AGRN: variants seen among roughly 807,000 people sequenced by gnomAD.
The protein encoded by AGRN is agrin proteoglycan.
Under a neutral mutation model 211.0 loss-of-function variants are expected in AGRN, and 106 were observed. That is an observed-to-expected ratio of 0.50 (90% CI 0.43 to 0.59). AGRN has a LOEUF of 0.59. Among genes scored for constraint, AGRN ranks in the 20% least tolerant of loss-of-function variants. AGRN has a pLI of 0.00. For synonymous variants in AGRN, 1,525 were observed against 1,332.5 expected, an observed-to-expected ratio of 1.14 and a Z score of -3.15; for missense variants, 3,040 against 2,982.6, an observed-to-expected ratio of 1.02 and a Z score of -0.45.
In AGRN at chr1:1,041,264, C is replaced by T. The variant is rs1286397842; in HGVS notation, c.819C>T (p.Pro273=). The change falls in exon 5 of 36, where the codon CCC becomes CCT. Residue 273 remains proline (P), a synonymous_variant. Coordinates refer to ENST00000379370, the MANE Select transcript of AGRN (RefSeq NM_198576.4). ...GGCTGACGGCCTCGTGCCTGTGCCC[C>T]GCGACCTGCCGTGGCGCCCCCGAGG... ...ADGLTASCLC[P]ATCRGAPEGT... The T allele has an allele frequency of 1.3e-6, 2 of 1,504,694 alleles. No homozygotes were observed. Among genetic ancestry groups the T allele is most frequent in the South Asian group, 1.2e-5 (1 of 81,518 alleles). 93.2% of individuals were successfully genotyped at this position (1,504,694 alleles called of 1,614,324 possible).
chr1:1,040,366 AAC>A (rs1222633918), intron 3 of AGRN, among the ~76,000 whole-genome samples: 14 of 152,188 alleles, frequency 9.2e-5, no homozygotes, highest in Admixed American at 8.5e-4. Context: ...CCGTCGCAGA[AAC>A]AGAGTCGGGT....
intron 30 of AGRN, 127 bp from the exon 31 acceptor site, chr1:1,051,126 T>A: frequency 6.5e-7 from 1 of 1,532,764 alleles, no homozygotes; most frequent in Non-Finnish European, 8.8e-7. Flanking sequence ...ACCCTGCCAT[T>A]TCTGTGTGAT....
At chr1:1,035,509 G>A (rs749792142) in intron 3 of AGRN, among the ~76,000 whole-genome samples, 185 bp downstream of exon 3, 1 of 152,248 alleles carries the variant, frequency 6.6e-6, no homozygotes, top group Non-Finnish European at 1.5e-5. Context: ...GGGGTCTAGA[G>A]GCCGCCGCCT....
intron 11 of AGRN, 21 bp from the exon 12 acceptor site, chr1:1,044,313 C>T (rs1645031508): frequency 5.6e-6 from 9 of 1,612,634 alleles, no homozygotes; most frequent in Non-Finnish European, 6.8e-6. Context: ...TGCGGCCGCT[C>T]ACACTGACAC....
chr1:1,046,895 C>T lies in AGRN; in HGVS notation c.3326C>T (p.Ala1109Val), dbSNP rs755792250. 7.6e-6 allele frequency: 12 copies of T among 1,583,552 alleles called. No homozygotes were observed. The highest frequency in any genetic ancestry group is 6.9e-5 in the East Asian group (3 of 43,780). The part of the protein sequence containing the change: ...PVERASCYNS[A>V]LGCCSDGKTP... ...GAGAGGGCTTCCTGCTACAACTCCG[C>T]GTTGGGCTGCTGCTCTGATGGGAAG... Residue 1109 changes from alanine to valine, a missense_variant, in exon 19 of 36, where the codon GCG becomes GTG. Coordinates refer to ENST00000379370, the MANE Select transcript of AGRN (RefSeq NM_198576.4).
chr1:1,049,141 A>G (rs1570238608), intron 24 of AGRN, 82 bp downstream of exon 24: 1 of 316,970 alleles, frequency 3.2e-6, no homozygotes, highest in Non-Finnish European at 4.8e-6. Flanking sequence ...GGGGCAGCTC[A>G]GGTGGGTGGG....
rs148430436 is a variant in AGRN at position 1,047,589 on chromosome 1, G to A, written c.3533G>A (p.Arg1178Gln). Residue 1178 changes from arginine to glutamine, a missense_variant, in exon 21 of 36, where the codon CGG (arginine) becomes CAG (glutamine). By Grantham distance (43) the Arg-to-Gln change is conservative. Coordinates refer to ENST00000379370, the MANE Select transcript of AGRN (RefSeq NM_198576.4). ...CTGCCACAGCTGGACGACCTCTTCC[G>A]GAATTCAGACGTCAAGAAGGATTTT... ...SIESTLDDLF[R>Q]NSDVKKDFRS... The A allele has an allele frequency of 4.8e-4, 775 of 1,612,938 alleles. 1 individual carries two copies. In the African/African-American group the frequency reaches 9.3e-3, roughly 19 times the overall value.
intron 3 of AGRN, among the ~76,000 whole-genome samples, chr1:1,037,646 C>T (rs1034937032): frequency 4.6e-5 from 7 of 152,206 alleles, no homozygotes; most frequent in African/African-American, 1.7e-4. Context: ...ACAGGCGTGG[C>T]AGGACCCCCA....
intron 6 of AGRN, 83 bp downstream of exon 6, chr1:1,041,785 GCCA>G (rs1346580229): frequency 2.0e-6 from 1 of 512,004 alleles, no homozygotes; most frequent in African/African-American, 2.2e-5. Flanking sequence ...TCCGGCCAGT[GCCA>G]GGGTCGAGGT....
Position 1,048,232 on chromosome 1 carries a change from G to C in AGRN, c.3972G>C (p.Pro1324=), listed in dbSNP as rs201483077. Residue 1324 remains proline (P), a synonymous_variant, in exon 23 of 36, where the codon CCG becomes CCC. Coordinates refer to ENST00000379370, the MANE Select transcript of AGRN (RefSeq NM_198576.4). The surrounding 1 kb of genome is among the most constrained non-coding windows in gnomAD (Gnocchi z 5.9). ...APSRVPGRRP[P]APQQPPKPCD... is the part of the protein sequence containing the mutation. ...GCCGTGTGCCCGGACGTCGGCCCCC[G>C]GCCCCCCAGCAGCCTCCAAAGCCCT... The C allele has an allele frequency of 6.5e-7, 1 of 1,544,624 alleles. No individual in the cohort carries two copies.
In AGRN at chr1:1,044,530, G is replaced by T. The variant is rs146883205; in HGVS notation, c.2254+91G>T. The T allele has an allele frequency of 2.3e-5, 30 of 1,320,098 alleles. No individual in the cohort carries two copies. In the East Asian group the frequency reaches 7.1e-4, roughly 31 times the overall value. 81.8% of individuals were successfully genotyped at this position (1,320,098 alleles called of 1,614,324 possible). On this transcript the variant is annotated intron_variant, in intron 12 of 35. Coordinates refer to ENST00000379370, the MANE Select transcript of AGRN (RefSeq NM_198576.4). ...GTGGGCGTGCCCGTGTGCTGCGTTG[G>T]GCCCCTGTGGACGTGTGTATTGTGT...
At chr1:1,046,366 G>C (rs992001479) in intron 17 of AGRN, 31 bp from the exon 18 acceptor site, 1 of 1,599,314 alleles carries the variant, frequency 6.3e-7, no homozygotes, top group African/African-American at 1.4e-5. Context: ...TGTCCCAACC[G>C]GTCCCCCCGC....
rs1353703407 is a variant in AGRN, at chr1:1,046,446, C to T, written c.2961C>T (p.Thr987=). 3 of 1,612,466 alleles carry T rather than the reference C, an allele frequency of 1.9e-6. No individual in the cohort carries two copies. Among genetic ancestry groups the T allele is most frequent in the Admixed American group, 3.3e-5 (2 of 59,982 alleles). ...THPTSASVTV[T]TPGLLLSQAL... is the part of the protein sequence containing the mutation. ...CGACATCTGCCTCCGTGACTGTGAC[C>T]ACCCCAGGGCTCCTCCTGAGCCAGG... is the stretch of plus-strand genomic sequence containing the variant. Residue 987 remains threonine (T), a synonymous_variant, in exon 18 of 36, where the codon ACC becomes ACT. Transcript: ENST00000379370.
chr1:1,047,728 TG>T (rs1356351416), intron 21 of AGRN, 41 bp downstream of exon 21: 4 of 1,612,436 alleles, frequency 2.5e-6, no homozygotes, highest in Admixed American at 3.3e-5. Context: ...AGGCAATGGG[TG>T]GGGGATGCCT....
intron 19 of AGRN, 109 bp downstream of exon 19, chr1:1,047,066 T>G: frequency 6.7e-7 from 1 of 1,500,226 alleles, no homozygotes. Context: ...GTCTTGGGAC[T>G]CGGCCCCCTC....
rs765692440 is a variant in AGRN at position 1,049,403 on chromosome 1, T to C, written c.4466T>C (p.Leu1489Pro). Reference protein sequence around the residue: ...ESPSGTDGLNLDTDLFVGGVP... With the variant: ...ESPSGTDGLNPDTDLFVGGVP... ...CCCAGTGGCACCGACGGCCTCAACC[T>C]GGACACAGACCTCTTTGTGGGCGGC... The change falls in exon 25 of 36, where the codon CTG becomes CCG. Residue 1489 changes from leucine to proline, a missense_variant. Leu to Pro is a moderately conservative substitution (Grantham distance 98). This residue lies in a region of AGRN where 1,537 missense variants were observed against 1,505.0 expected (regional missense o/e 1.02). Coordinates refer to ENST00000379370, the MANE Select transcript of AGRN (RefSeq NM_198576.4). 6.3e-7 allele frequency: 1 copy of C among 1,599,010 alleles called. No homozygotes were observed. The highest frequency in any genetic ancestry group is 8.5e-7 in the Non-Finnish European group (1 of 1,179,726).
chr1:1,048,032 A>G lies in AGRN; in HGVS notation c.3772A>G (p.Thr1258Ala). 6.3e-7 allele frequency: 1 copy of G among 1,583,950 alleles called. No homozygotes were observed. Among genetic ancestry groups the G allele is most frequent in the Non-Finnish European group, 8.5e-7 (1 of 1,170,294 alleles). ...GGCAGACTGGTTTCCTGCGTTTATC[A>G]CGGGGGCCACGTCAGGAGCCATTGC... ...MDFDWFPAFI[T>A]GATSGAIAAG... The change falls in exon 23 of 36, where the codon ACG becomes GCG. Residue 1258 changes from threonine to alanine, a missense_variant. Coordinates refer to ENST00000379370, the MANE Select transcript of AGRN (RefSeq NM_198576.4). This position sits in a 1 kb window ranked among gnomAD's most constrained non-coding sequence, Gnocchi z 5.9.
chr1:1,029,499 G>T (rs1433648628), intron 2 of AGRN, among the ~76,000 whole-genome samples: 1 of 147,958 alleles, frequency 6.8e-6, no homozygotes, highest in African/African-American at 2.5e-5. Flanking sequence ...TTGAGGCTGG[G>T]GCTGGGGTCA....
chr1:1,049,347 G>T lies in AGRN; in HGVS notation c.4410G>T (p.Val1470=). The T allele has an allele frequency of 1.3e-6, 2 of 1,598,472 alleles. No individual in the cohort carries two copies. Among genetic ancestry groups the T allele is most frequent in the Non-Finnish European group, 1.7e-6 (2 of 1,179,624 alleles). Residue 1470 remains valine (V), a synonymous_variant, in exon 25 of 36, where the codon GTG becomes GTT. Transcript: ENST00000379370. ...SRHWRRGTLS[V]DGETPVLGES... ...ACTGGCGCCGGGGCACCCTCTCGGT[G>T]GATGGTGAGACCCCTGTTCTGGGCG...
Sources: allele counts gnomAD v4.1 joint callset (sites outside exome capture counted in the v4.1 genomes callset), GRCh38; gene constraint gnomAD v4.1.1; regional missense constraint gnomAD v4.1.1; non-coding constraint Gnocchi (gnomAD v3.1); transcripts MANE v1.5; gene names NCBI Gene and HGNC (gene_info 2026-07-23, HGNC 2026-07-21).